The following PAPSS1 variants were observed in gnomAD, a reference collection of about 807,000 sequenced individuals.
The protein encoded by PAPSS1 is bifunctional 3'-phosphoadenosine 5'-phosphosulfate synthase 1.
PAPSS1 carries 50 observed loss-of-function variants against 72.0 expected under a neutral mutation model. The observed-to-expected ratio is 0.69, with a 90% confidence interval of 0.55 to 0.88. The LOEUF (loss-of-function observed/expected upper bound fraction) is 0.88. Among genes scored for constraint, PAPSS1 ranks in the 40% least tolerant of loss-of-function variants. The probability of loss-of-function intolerance (pLI) is 0.00; values close to 1 mark genes in which losing one functional copy is unlikely to be tolerated. For synonymous variants in PAPSS1, 261 were observed against 263.6 expected (o/e 0.99, Z 0.09); for missense variants, 657 against 782.2 (o/e 0.84, Z 1.91).
chr4:107,637,586 C>T (rs1453104337), intron 10 of PAPSS1, among the ~76,000 whole-genome samples: 1 of 152,024 alleles, frequency 6.6e-6, no homozygotes, highest in East Asian at 1.9e-4. Context: ...ATGAATTGAA[C>T]AATTAAAATT....
chr4:107,706,090 T>C (rs576917974), intron 1 of PAPSS1, among the ~76,000 whole-genome samples: 6 of 152,334 alleles, frequency 3.9e-5, no homozygotes, highest in African/African-American at 1.4e-4. Context: ...AGAATCCTCT[T>C]TTATTTTTGA....
rs578189106 is a variant in PAPSS1, at chr4:107,710,516, G to A, written c.61-9231C>T. On this transcript the variant is annotated intron_variant, in intron 1 of 11. Transcript: ENST00000265174. ...CGGGGTCAGGTTCCAGCTCATGCTG[G>A]GGTCCGAAGGGAGTAAGTGGATGAG... Among the ~76,000 whole-genome samples the A allele has an allele frequency of 8.1e-5, 4 of 49,184 alleles. No individual in the cohort carries two copies. In the South Asian group the frequency reaches 8.9e-3, roughly 110 times the overall value. 32.3% of individuals were successfully genotyped at this position (49,184 alleles called of 152,430 possible).
At chr4:107,708,494 C>G (rs1189568456) in intron 1 of PAPSS1, among the ~76,000 whole-genome samples, 1 of 152,182 alleles carries the variant, frequency 6.6e-6, no homozygotes, top group Non-Finnish European at 1.5e-5. Context: ...TCTTTATAGA[C>G]AAGAAGAAAC....
chr4:107,626,016 A>G (rs1192556890), intron 11 of PAPSS1, among the ~76,000 whole-genome samples: 2 of 150,166 alleles, frequency 1.3e-5, no homozygotes, highest in Non-Finnish European at 3.0e-5. Context: ...ATCTCTACTA[A>G]AAATAAAAAA....
intron 3 of PAPSS1, among the ~76,000 whole-genome samples, chr4:107,689,350 A>C (rs559765710): frequency 1.3e-3 from 194 of 152,120 alleles, no homozygotes; most frequent in Non-Finnish European, 2.6e-3. Context: ...CCACGCCACA[A>C]CCCAACCCCT....
intron 11 of PAPSS1, among the ~76,000 whole-genome samples, chr4:107,626,846 T>G (rs1726113183): frequency 6.6e-6 from 1 of 152,198 alleles, no homozygotes; most frequent in African/African-American, 2.4e-5. Context: ...ACTTAATTAT[T>G]TTTGAACACA....
rs545006924 is a variant in PAPSS1 at position 107,696,804 on chromosome 4, C to T, written c.176-2798G>A. The stretch of plus-strand genomic sequence containing the variant: ...TCGATACAGTGTCAGTTGCTTTATA[C>T]ATTAAAAACCGATATTAATGACTGT... On this transcript the variant is annotated intron_variant, in intron 2 of 11. Coordinates refer to ENST00000265174, the MANE Select transcript of PAPSS1 (RefSeq NM_005443.5). 2.0e-5 allele frequency among the ~76,000 whole-genome samples: 3 copies of T among 152,186 alleles called. No homozygotes were observed. In the East Asian group the frequency reaches 5.8e-4, roughly 29 times the overall value.
chr4:107,691,010 T>G (rs969075571), intron 3 of PAPSS1, among the ~76,000 whole-genome samples: 1 of 152,156 alleles, frequency 6.6e-6, no homozygotes, highest in Non-Finnish European at 1.5e-5. Flanking sequence ...CTTATTATGC[T>G]CCTATTATTT....
rs774614599 is a variant in PAPSS1, at chr4:107,656,970, C to A, written c.821G>T (p.Trp274Leu). The change falls in exon 7 of 12, where the codon TGG (tryptophan) becomes TTG (leucine). Residue 274 changes from tryptophan to leucine, a missense_variant. Trp to Leu is a moderately conservative substitution (Grantham distance 61). This residue lies in a region of PAPSS1 where 190 missense variants were observed against 176.7 expected (regional missense o/e 1.07). Transcript: ENST00000265174. Reference sequence around the variant, plus strand: ...CATAAAGCCATTCAATGGGGTTGCCCAACCTTCTGCCAAAACCTGCACCCA... The same window carrying A: ...CATAAAGCCATTCAATGGGGTTGCCAAACCTTCTGCCAAAACCTGCACCCA... Reference protein sequence around the residue: ...MQWVQVLAEGWATPLNGFMRE... With the variant: ...MQWVQVLAEGLATPLNGFMRE... The A allele has an allele frequency of 6.2e-7, 1 of 1,613,998 alleles. No homozygotes were observed.
At chr4:107,669,274 T>C (rs1175432186) in intron 5 of PAPSS1, among the ~76,000 whole-genome samples, 2 of 152,264 alleles carry the variant, frequency 1.3e-5, no homozygotes, top group Non-Finnish European at 2.9e-5. Flanking sequence ...TGTCAGGTAT[T>C]CACTGGTTTC....
At chr4:107,641,458 C>T (rs1329136605) in intron 10 of PAPSS1, among the ~76,000 whole-genome samples, 1 of 152,176 alleles carries the variant, frequency 6.6e-6, no homozygotes, top group East Asian at 1.9e-4. Context: ...GCAATATTTC[C>T]TGAATAAAGT....
chr4:107,626,417 A>G (rs568840634), intron 11 of PAPSS1, among the ~76,000 whole-genome samples: 2 of 152,288 alleles, frequency 1.3e-5, no homozygotes, highest in South Asian at 4.1e-4. Flanking sequence ...AGAGGGGAAA[A>G]AATACAAATA....
At chr4:107,645,851 C>T in intron 9 of PAPSS1, among the ~76,000 whole-genome samples, 1 of 152,152 alleles carries the variant, frequency 6.6e-6, no homozygotes. Flanking sequence ...GAGGAACAGC[C>T]TCTCTCTTCT....
intron 10 of PAPSS1, among the ~76,000 whole-genome samples, chr4:107,635,834 A>T (rs1210396772): frequency 6.6e-6 from 1 of 152,228 alleles, no homozygotes; most frequent in East Asian, 1.9e-4. Flanking sequence ...AAATATTCTT[A>T]TCACCCGAAA....
intron 10 of PAPSS1, among the ~76,000 whole-genome samples, chr4:107,633,207 G>A (rs1012981008): frequency 6.6e-6 from 1 of 152,088 alleles, no homozygotes; most frequent in African/African-American, 2.4e-5. Context: ...TTCCCCAACA[G>A]GTACAGTGAT....
chr4:107,704,643 C>T (rs1052062109), intron 1 of PAPSS1, among the ~76,000 whole-genome samples: 2 of 152,122 alleles, frequency 1.3e-5, no homozygotes, highest in African/African-American at 4.8e-5. Flanking sequence ...TAGTGTGGTG[C>T]ATCACCTTTA....
intron 4 of PAPSS1, among the ~76,000 whole-genome samples, chr4:107,685,698 C>A (rs1490136140): frequency 6.6e-6 from 1 of 152,190 alleles, no homozygotes; most frequent in Admixed American, 6.5e-5. Flanking sequence ...GTCAGCCTTG[C>A]CCATGGAACT....
At chr4:107,645,785 C>T (rs1313971684) in intron 9 of PAPSS1, among the ~76,000 whole-genome samples, 3 of 152,124 alleles carry the variant, frequency 2.0e-5, no homozygotes, top group Non-Finnish European at 1.5e-5. Flanking sequence ...TATTTTGCCG[C>T]CCTCACAATA....
rs765369132 is a variant in PAPSS1, at chr4:107,654,843, T to C, written c.953A>G (p.Glu318Gly). Residue 318 changes from glutamate to glycine, a missense_variant, in exon 8 of 12, where the codon GAG becomes GGG. Physicochemically the swap from Glu to Gly is moderately conservative, Grantham distance 98 (BLOSUM62 -2). Coordinates refer to ENST00000265174, the MANE Select transcript of PAPSS1 (RefSeq NM_005443.5). ...IVLTATHEDK[E>G]RLDGCTAFAL... ...AAATGCTGTACAGCCGTCCAGCCTC[T>C]CTTTATCTTCATGAGTCGCAGTCAG... is the stretch of plus-strand genomic sequence containing the variant. 5 of 1,614,028 alleles carry C rather than the reference T, an allele frequency of 3.1e-6. No individual in the cohort carries two copies. Among genetic ancestry groups the C allele is most frequent in the Non-Finnish European group, 4.2e-6 (5 of 1,179,944 alleles).
Sources: allele counts gnomAD v4.1 joint callset (sites outside exome capture counted in the v4.1 genomes callset), GRCh38; gene constraint gnomAD v4.1.1; regional missense constraint gnomAD v4.1.1; transcripts MANE v1.5; gene names NCBI Gene and HGNC (gene_info 2026-07-23, HGNC 2026-07-21).